The following KDM4C variants were observed in gnomAD, a reference collection of about 807,000 sequenced individuals.
The protein encoded by KDM4C is lysine demethylase 4C, also known as lysine-specific demethylase 4C.
A neutral mutation model predicts 129.3 loss-of-function variants in KDM4C; 81 were observed. That is an observed-to-expected ratio of 0.63 (90% CI 0.52 to 0.75). KDM4C has a LOEUF of 0.75. Among genes scored for constraint, KDM4C ranks in the 30% least tolerant of loss-of-function variants. KDM4C has a pLI of 0.00. For missense variants in KDM4C, 1,457 were observed against 1,304.0 expected (o/e 1.12, Z -1.81); for synonymous variants, 573 against 456.1 (o/e 1.26, Z -3.26).
intron 5 of KDM4C, among the ~76,000 whole-genome samples, chr9:6,868,628 G>A (rs1012270124): frequency 2.0e-5 from 3 of 152,044 alleles, no homozygotes; most frequent in South Asian, 2.1e-4. Context: ...TTGTTATCCC[G>A]AATTGTTTAG....
At chr9:7,136,959 C>T (rs912354141) in intron 19 of KDM4C, among the ~76,000 whole-genome samples, 1 of 152,186 alleles carries the variant, frequency 6.6e-6, no homozygotes, top group Admixed American at 6.5e-5. Flanking sequence ...AAAACTCAAG[C>T]CTTCAATGTT....
At chr9:7,089,685 A>C (rs1013979955) in intron 17 of KDM4C, among the ~76,000 whole-genome samples, 1 of 152,226 alleles carries the variant, frequency 6.6e-6, no homozygotes, top group Non-Finnish European at 1.5e-5. Flanking sequence ...ATGTTCCCAT[A>C]AACTCCTTAA....
rs766460763 is a variant in KDM4C, at chr9:7,013,853, G to A, written c.2034G>A (p.Ser678=). 31 of 1,613,824 alleles carry A rather than the reference G, an allele frequency of 1.9e-5. No homozygotes were observed. The highest frequency in any genetic ancestry group is 1.8e-4 in the East Asian group (8 of 44,878). The change falls in exon 14 of 22, where the codon TCG becomes TCA. Residue 678 remains serine (S), a synonymous_variant. Transcript: ENST00000381309. ...CAAAATTAGATGAAGTCGTTACATC[G>A]GAGGGAAAGACTAAGCCCCTCATAC... ...WETKLDEVVT[S]EGKTKPLIPE... is the part of the protein sequence containing the mutation.
intron 15 of KDM4C, among the ~76,000 whole-genome samples, chr9:7,040,630 C>CT (rs869193731): frequency 8.6e-5 from 13 of 151,122 alleles, no homozygotes; most frequent in Admixed American, 3.3e-4. Context: ...TCTATTTTTC[C>CT]TTTTTTTTTA....
chr9:7,006,106 C>G (rs1216622804), intron 12 of KDM4C, among the ~76,000 whole-genome samples: 1 of 152,204 alleles, frequency 6.6e-6, no homozygotes, highest in African/African-American at 2.4e-5. Context: ...TACACCGTTG[C>G]TAACAACATC....
intron 17 of KDM4C, among the ~76,000 whole-genome samples, chr9:7,049,702 A>G (rs1322210973): frequency 6.6e-6 from 1 of 152,128 alleles, no homozygotes; most frequent in Non-Finnish European, 1.5e-5. Context: ...TAATATGCCA[A>G]ACTCTCTGGC....
chr9:6,958,671 T>C (rs1362541348), intron 8 of KDM4C, among the ~76,000 whole-genome samples: 1 of 145,868 alleles, frequency 6.9e-6, no homozygotes, highest in Admixed American at 7.3e-5. Context: ...AAATACATTA[T>C]GCCTTTCTTT....
intron 5 of KDM4C, among the ~76,000 whole-genome samples, chr9:6,859,837 C>G (rs1840605495): frequency 6.7e-6 from 1 of 149,318 alleles, no homozygotes; most frequent in African/African-American, 2.5e-5. Context: ...TGCACTCCAG[C>G]CTGGGCGACA....
At chr9:7,150,975 C>A (rs10976070) in intron 19 of KDM4C, among the ~76,000 whole-genome samples, 15 of 151,994 alleles carry the variant, frequency 9.9e-5, no homozygotes, top group African/African-American at 3.4e-4. Flanking sequence ...AACCAAGCAT[C>A]GTGTCCACTT....
intron 8 of KDM4C, among the ~76,000 whole-genome samples, chr9:6,965,446 G>T (rs1240712250): frequency 6.6e-6 from 1 of 152,062 alleles, no homozygotes; most frequent in African/African-American, 2.4e-5. Flanking sequence ...GTTTGTTAGG[G>T]TTCTCCAGAC....
At chr9:6,992,288 C>G (rs1211013472) in intron 12 of KDM4C, among the ~76,000 whole-genome samples, 1 of 152,016 alleles carries the variant, frequency 6.6e-6, no homozygotes, top group Non-Finnish European at 1.5e-5. Flanking sequence ...ATAAATTGGC[C>G]CAGAGTTTCT....
intron 5 of KDM4C, among the ~76,000 whole-genome samples, chr9:6,865,288 G>C (rs771610155): frequency 2.0e-5 from 3 of 152,122 alleles, no homozygotes; most frequent in Non-Finnish European, 2.9e-5. Context: ...GATTACAAGC[G>C]TGAGCCAAAG....
At chr9:7,168,711 T>C (rs1564203587) in intron 20 of KDM4C, among the ~76,000 whole-genome samples, 1 of 152,148 alleles carries the variant, frequency 6.6e-6, no homozygotes, top group South Asian at 2.1e-4. Context: ...ACACGTGAAT[T>C]TTGAAAGTTC....
intron 20 of KDM4C, among the ~76,000 whole-genome samples, chr9:7,168,781 C>A (rs1844657854): frequency 6.6e-6 from 1 of 152,024 alleles, no homozygotes; most frequent in Non-Finnish European, 1.5e-5. Flanking sequence ...TAAGAGTAAA[C>A]AGGCCGGGCA....
intron 8 of KDM4C, among the ~76,000 whole-genome samples, chr9:6,944,765 T>C (rs1336290609): frequency 6.0e-5 from 9 of 150,618 alleles, no homozygotes; most frequent in Non-Finnish European, 1.3e-4. Context: ...TTAGGTATTG[T>C]TAGGGGAAGG....
chr9:7,072,010 T>G (rs1400056182), intron 17 of KDM4C, among the ~76,000 whole-genome samples: 1 of 152,156 alleles, frequency 6.6e-6, no homozygotes, highest in Non-Finnish European at 1.5e-5. Flanking sequence ...TATCTTACAC[T>G]TCACTAGAGG....
At chr9:7,004,981 G>T (rs1821394861) in intron 12 of KDM4C, among the ~76,000 whole-genome samples, 2 of 152,178 alleles carry the variant, frequency 1.3e-5, no homozygotes, top group South Asian at 4.1e-4. Context: ...GGGCTACTTA[G>T]TCACAGCCAT....
At chr9:6,808,131 C>T (rs201173128) in intron 3 of KDM4C, among the ~76,000 whole-genome samples, 2,962 of 30,690 alleles carry the variant, frequency 0.097, 192 homozygotes, top group Non-Finnish European at 0.12. Flanking sequence ...CGCCTCTGCC[C>T]GGCCGCCCCT....
chr9:6,739,721 G>A (rs1239444341), intron 1 of KDM4C, among the ~76,000 whole-genome samples: 1 of 151,178 alleles, frequency 6.6e-6, no homozygotes, highest in Non-Finnish European at 1.5e-5. Context: ...TAAGCTGGAA[G>A]GAATGTGGCT....
Sources: allele counts gnomAD v4.1 joint callset (sites outside exome capture counted in the v4.1 genomes callset), GRCh38; gene constraint gnomAD v4.1.1; transcripts MANE v1.5; gene names NCBI Gene and HGNC (gene_info 2026-07-23, HGNC 2026-07-21).